ACSM3: variants seen among roughly 807,000 people sequenced by gnomAD.
The protein encoded by ACSM3 is acyl-coenzyme A synthetase ACSM3, mitochondrial.
ACSM3 carries 61 observed loss-of-function variants against 74.1 expected under a neutral mutation model. The ratio of observed to expected loss-of-function variants is 0.82; its 90% confidence interval spans 0.67 to 1.02. The LOEUF is 1.02. Among genes scored for constraint, ACSM3 ranks in the 50% least tolerant of loss-of-function variants. The pLI, the probability that ACSM3 is intolerant of heterozygous loss-of-function variation, is 0.00. For synonymous variants in ACSM3, 213 were observed against 241.5 expected, an observed-to-expected ratio of 0.88 and a Z score of 1.09; for missense variants, 660 against 697.0, an observed-to-expected ratio of 0.95 and a Z score of 0.60.
At position 20,776,124 on chromosome 16, in the gene ACSM3, A is replaced by G; in HGVS notation, c.430+75A>G. On this transcript the variant is annotated intron_variant, in intron 3 of 13. Transcript: ENST00000289416. ...GATTTTCCAGAACACCTAAGTAATC[A>G]TGATACATTTATTTTGTTGTGGGCT... is the stretch of plus-strand genomic sequence containing the variant. The G allele has an allele frequency of 3.4e-6, 5 of 1,469,858 alleles. No individual in the cohort carries two copies. In the Admixed American group the frequency reaches 5.3e-5, roughly 16 times the overall value. The allele number at this position is 1,469,858 out of a possible 1,614,324, so 91.1% of individuals were successfully genotyped here.
chr16:20,742,826 C>T (rs1408196114), intron 1 of ACSM3, among the ~76,000 whole-genome samples: 1 of 130,272 alleles, frequency 7.7e-6, no homozygotes, highest in Admixed American at 7.4e-5. Flanking sequence ...TTTTTTTTTT[C>T]CCTTCTCCCC....
At chr16:20,708,648 T>G (rs575022900) in intron 1 of ACSM3, among the ~76,000 whole-genome samples, 10 of 152,358 alleles carry the variant, frequency 6.6e-5, no homozygotes, top group Non-Finnish European at 1.5e-4. Context: ...TATCCTGTGT[T>G]CATGGATTGA....
chr16:20,738,875 T>C (rs369383898), intron 1 of ACSM3: 31 of 1,611,756 alleles, frequency 1.9e-5, no homozygotes, highest in Non-Finnish European at 2.5e-5. Context: ...AGATCGATAA[T>C]CTTAGCAAGT....
chr16:20,745,480 G>A (rs1833850824), intron 1 of ACSM3, among the ~76,000 whole-genome samples: 1 of 152,152 alleles, frequency 6.6e-6, no homozygotes, highest in Non-Finnish European at 1.5e-5. Context: ...CTATTTGGGA[G>A]GCTAGACACG....
At chr16:20,776,099 G>A (rs746835902) in intron 3 of ACSM3, 50 bp downstream of exon 3, 2 of 1,573,158 alleles carry the variant, frequency 1.3e-6, no homozygotes, top group Non-Finnish European at 1.7e-6. Context: ...CTGGAGGGGA[G>A]ATTTTCCAGA....
At chr16:20,771,356 C>T (rs557020422) in intron 2 of ACSM3, among the ~76,000 whole-genome samples, 28 of 150,008 alleles carry the variant, frequency 1.9e-4, no homozygotes, top group African/African-American at 4.4e-4. Context: ...CCACCCACCA[C>T]GCCAGGCCGA....
chr16:20,760,883 T>C (rs2080071274), upstream of ACSM3, among the ~76,000 whole-genome samples: 1 of 152,080 alleles, frequency 6.6e-6, no homozygotes, highest in African/African-American at 2.4e-5. Flanking sequence ...CTTTGAGGCC[T>C]GCTACCTGGA....
At chr16:20,768,940 C>T (rs67410356) in intron 1 of ACSM3, among the ~76,000 whole-genome samples, 20,208 of 152,124 alleles carry the variant, frequency 0.13, 1,399 homozygotes, top group East Asian at 0.21. Flanking sequence ...CCTGATGCAT[C>T]GGTTATATCA....
At chr16:20,794,650 C>T (rs1450558785) in intron 12 of ACSM3, among the ~76,000 whole-genome samples, 5 of 152,192 alleles carry the variant, frequency 3.3e-5, no homozygotes, top group Non-Finnish European at 7.4e-5. Context: ...AAGACCCAAA[C>T]TTCTTGTAAT....
At chr16:20,692,033 T>C (rs28739281) in intron 1 of ACSM3, among the ~76,000 whole-genome samples, 7,298 of 151,380 alleles carry the variant, frequency 0.048, 585 homozygotes, top group African/African-American at 0.17. Context: ...GTTAATATTC[T>C]CTGGATTCTG....
At chr16:20,777,669 C>T in intron 4 of ACSM3, 89 bp downstream of exon 4, 1 of 1,134,092 alleles carries the variant, frequency 8.8e-7, no homozygotes, top group Non-Finnish European at 1.3e-6. Context: ...TAGAAAAATG[C>T]AAATTAAAAC....
chr16:20,738,652 T>C (rs910848289), intron 1 of ACSM3: 2 of 484,226 alleles, frequency 4.1e-6, no homozygotes, highest in African/African-American at 3.9e-5. Context: ...GAACTGGCAC[T>C]CTAGTTCTGC....
At chr16:20,775,145 A>C (rs2152459956) in intron 2 of ACSM3, among the ~76,000 whole-genome samples, 1 of 152,154 alleles carries the variant, frequency 6.6e-6, no homozygotes, top group African/African-American at 2.4e-5. Context: ...CTCTACGGGA[A>C]CGTGTGGGGA....
intron 1 of ACSM3, among the ~76,000 whole-genome samples, chr16:20,748,046 A>C (rs1239521574): frequency 6.6e-6 from 1 of 152,076 alleles, no homozygotes; most frequent in Non-Finnish European, 1.5e-5. Flanking sequence ...CTGAGGTGGG[A>C]GGATCGTTTG....
chr16:20,676,298 A>C (rs1488725992), intron 1 of ACSM3: 3 of 152,284 alleles, frequency 2.0e-5, no homozygotes, highest in Non-Finnish European at 4.4e-5. Flanking sequence ...AAAAGTGCCA[A>C]GAAGCCCTTC....
rs575971454 is a variant in ACSM3 at position 20,774,329 on chromosome 16, C to T, written c.220-1510C>T. On this transcript the variant is annotated intron_variant, in intron 2 of 13. Transcript: ENST00000289416. ...CGATCTCAGCTCACTGCAACCTCCG[C>T]CTCCCGGGTTCAAGCGATTCTCCTG... is the stretch of plus-strand genomic sequence containing the variant. Among the ~76,000 whole-genome samples, 15 of 151,632 alleles carry T rather than the reference C, an allele frequency of 9.9e-5. No individual in the cohort carries two copies. The East Asian group carries it at 1.8e-3, about 18-fold the overall frequency.
In ACSM3 at chr16:20,728,432, G is replaced by A. The variant is rs1327359727; in HGVS notation, c.-189-21478G>A. Reference sequence around the variant, plus strand: ...ATGTTCTACCACCTGGCAAAGAAGGGGAAATTGCCCTCAGACTAAAGTCTA... The same window carrying A: ...ATGTTCTACCACCTGGCAAAGAAGGAGAAATTGCCCTCAGACTAAAGTCTA... On this transcript the variant is annotated intron_variant, in intron 1 of 3. Coordinates refer to the ACSM3 transcript ENST00000561584. 4.2e-6 allele frequency: 6 copies of A among 1,428,368 alleles called. No homozygotes were observed. In the African/African-American group the frequency reaches 7.3e-5, roughly 17 times the overall value. 88.5% of individuals were successfully genotyped at this position (1,428,368 alleles called of 1,614,324 possible). A position where few individuals can be genotyped will look rare whatever the true frequency, so the allele number is the denominator to read the frequency against.
chr16:20,731,045 T>A lies in ACSM3; in HGVS notation c.-189-18865T>A, dbSNP rs903796367. Among the ~76,000 whole-genome samples the A allele has an allele frequency of 3.3e-5, 5 of 152,284 alleles. No individual in the cohort carries two copies. The South Asian group carries it at 1.0e-3, about 32-fold the overall frequency. On this transcript the variant is annotated intron_variant, in intron 1 of 3. Transcript: ENST00000561584. ...CTGGCTAATTTTTTCTTTTTAGTCT[T>A]TATAGAGATGGGGTCTCACTATGTT...
At chr16:20,789,436 G>A in intron 9 of ACSM3, 5 of 1,384,070 alleles carry the variant, frequency 3.6e-6, no homozygotes, top group Non-Finnish European at 5.1e-6. Context: ...GGAATGATGA[G>A]GATTGGAGAG....
Sources: gnomAD v4.1 joint callset for allele counts (sites outside exome capture counted in the v4.1 genomes callset) on GRCh38, gnomAD v4.1.1 for gene constraint, MANE v1.5 for transcripts, NCBI Gene and HGNC (gene_info 2026-07-23, HGNC 2026-07-21) for gene names.